Variants in PTPN21 observed in about 807,000 individuals in gnomAD.
The protein encoded by PTPN21 is protein tyrosine phosphatase non-receptor type 21, also known as tyrosine-protein phosphatase non-receptor type 21.
In PTPN21, 77 loss-of-function variants were observed where a neutral mutation model predicts 131.8. That is an observed-to-expected ratio of 0.58 (90% CI 0.49 to 0.71). PTPN21 has a LOEUF of 0.71. PTPN21 is among the 30% of genes least tolerant of loss of function. PTPN21 has a pLI of 0.00. For missense variants in PTPN21, 1,552 were observed against 1,527.1 expected (o/e 1.02, Z -0.27); for synonymous variants, 715 against 621.3 (o/e 1.15, Z -2.24).
In PTPN21 at chr14:88,498,596, C is replaced by T. The variant is rs766569253; in HGVS notation, c.765-1306G>A. On this transcript the variant is annotated intron_variant, in intron 8 of 18. Coordinates refer to ENST00000556564, the MANE Select transcript of PTPN21 (RefSeq NM_007039.4). The stretch of plus-strand genomic sequence containing the variant: ...TGAGTTACAGTGCTTCCCTCAAATT[C>T]GCACAGTTGGAGGGGAAAGGTGGGA... Among the ~76,000 whole-genome samples, 33 of 152,136 alleles carry T rather than the reference C, an allele frequency of 2.2e-4. 1 individual carries two copies. The highest frequency in any genetic ancestry group is 3.8e-4 in the Non-Finnish European group (26 of 68,022).
At chr14:88,484,798 G>A (rs1051202383) in intron 12 of PTPN21, among the ~76,000 whole-genome samples, 2 of 152,174 alleles carry the variant, frequency 1.3e-5, no homozygotes, top group Non-Finnish European at 2.9e-5. Context: ...TGAGGCACAA[G>A]AATTGCTTGA....
intron 10 of PTPN21, among the ~76,000 whole-genome samples, chr14:88,495,864 G>A (rs1234654257): frequency 6.6e-6 from 1 of 152,186 alleles, no homozygotes; most frequent in Non-Finnish European, 1.5e-5. Flanking sequence ...CAGTAACGTG[G>A]AGGCTTAGGG....
intron 2 of PTPN21, among the ~76,000 whole-genome samples, chr14:88,548,609 T>TG (rs2078816395): frequency 6.6e-6 from 1 of 152,158 alleles, no homozygotes; most frequent in African/African-American, 2.4e-5. Flanking sequence ...AGTATGTATG[T>TG]GCTTGGCACT....
chr14:88,522,140 G>C (rs2078403740), intron 2 of PTPN21, among the ~76,000 whole-genome samples: 1 of 152,058 alleles, frequency 6.6e-6, no homozygotes, highest in East Asian at 1.9e-4. Context: ...AGAATGGTGG[G>C]CTTAGGCCGG....
intron 13 of PTPN21, among the ~76,000 whole-genome samples, chr14:88,478,160 G>C (rs146580472): frequency 6.6e-6 from 1 of 152,296 alleles, no homozygotes; most frequent in East Asian, 1.9e-4. Flanking sequence ...TTGGCCCATG[G>C]CAAATGCTCC....
intron 2 of PTPN21, among the ~76,000 whole-genome samples, chr14:88,518,226 C>CAAAAAAAAAAAAAAAAAAAAA (rs1172099704): frequency 9.0e-5 from 1 of 11,074 alleles, no homozygotes; most frequent in Non-Finnish European, 1.5e-4. Context: ...GAATCTACCT[C>CAAAAAAAAAAAAAAAAAAAAA]AAAAAAAAAA....
rs2078072759 is a variant in PTPN21 at position 88,505,430 on chromosome 14, A to C, written c.449-59T>G. On this transcript the variant is annotated intron_variant, in intron 4 of 18. Transcript: ENST00000556564. The stretch of plus-strand genomic sequence containing the variant: ...ATTTAAATTTCATTGCAAAATATGC[A>C]CAACAAAATTCAATACGCAGTATAT... 13 of 1,247,700 alleles carry C rather than the reference A, an allele frequency of 1.0e-5. No individual in the cohort carries two copies. The South Asian group carries it at 1.7e-4, about 17-fold the overall frequency. The allele number at this position is 1,247,700 out of a possible 1,614,324, so 77.3% of individuals were successfully genotyped here.
chr14:88,522,374 A>C (rs2078408013), intron 2 of PTPN21, among the ~76,000 whole-genome samples: 1 of 147,592 alleles, frequency 6.8e-6, no homozygotes, highest in African/African-American at 2.5e-5. Context: ...GTGAGCTGAG[A>C]GCATGCCACT....
intron 2 of PTPN21, among the ~76,000 whole-genome samples, chr14:88,520,896 T>C (rs571857963): frequency 5.9e-5 from 9 of 151,974 alleles, no homozygotes; most frequent in Non-Finnish European, 1.2e-4. Flanking sequence ...CAGGCGGGAG[T>C]GTACTGACAT....
In PTPN21 at chr14:88,554,751, G is replaced by A. The variant is rs2078903239; in HGVS notation, c.-303C>T. 6.7e-6 allele frequency: 1 copy of A among 149,458 alleles called. No homozygotes were observed. The highest frequency in any genetic ancestry group is 2.0e-4 in the South Asian group (1 of 5,076). The allele number at this position is 149,458 out of a possible 1,614,324, so 9.3% of individuals were successfully genotyped here. On this transcript the variant is annotated 5_prime_UTR_variant, in exon 1 of 19. Coordinates refer to ENST00000556564, the MANE Select transcript of PTPN21 (RefSeq NM_007039.4). ...GCGGCCGCCGCAGCCGCACCCGCAC[G>A]CCAGCCCGGGCCGCGGCGCGCTCAT... is the stretch of plus-strand genomic sequence containing the variant.
At chr14:88,524,810 T>TGGGA (rs2139328949) in intron 2 of PTPN21, among the ~76,000 whole-genome samples, 1 of 151,750 alleles carries the variant, frequency 6.6e-6, no homozygotes, top group East Asian at 1.9e-4. Context: ...GAGGCTAAAG[T>TGGGA]GGGAGGCTCA....
intron 5 of PTPN21, 71 bp downstream of exon 5, chr14:88,505,233 T>C (rs1242471362): frequency 3.0e-5 from 37 of 1,235,122 alleles, no homozygotes; most frequent in Non-Finnish European, 3.5e-6. Context: ...ACGGATTTCA[T>C]TTCAGGGATT....
chr14:88,517,690 A>G (rs1263477113), intron 2 of PTPN21, among the ~76,000 whole-genome samples: 1 of 142,330 alleles, frequency 7.0e-6, no homozygotes, highest in Non-Finnish European at 1.5e-5. Context: ...ATATATACAT[A>G]TGTGTGCGTA....
intron 2 of PTPN21, among the ~76,000 whole-genome samples, chr14:88,546,983 G>A (rs1167538223): frequency 3.3e-5 from 5 of 152,178 alleles, no homozygotes; most frequent in African/African-American, 1.2e-4. Context: ...ACTCTCCACA[G>A]GCAAAACATT....
chr14:88,526,059 T>C (rs750106839), intron 2 of PTPN21, among the ~76,000 whole-genome samples: 2 of 152,102 alleles, frequency 1.3e-5, no homozygotes, highest in East Asian at 1.9e-4. Context: ...GGTGGGAGAA[T>C]TGCTTGAGGC....
In PTPN21 at chr14:88,478,929, C is replaced by T. The variant is rs2077588028; in HGVS notation, c.2502G>A (p.Pro834=). Residue 834 remains proline, a synonymous_variant, in exon 13 of 19, where the codon CCG becomes CCA. Coordinates refer to ENST00000556564, the MANE Select transcript of PTPN21 (RefSeq NM_007039.4). ...SGKKNIVEGL[P]PLGGMKKTRV... is the part of the protein sequence containing the mutation. ...TCGCCGCGTGGCTTACCCCTAGAGG[C>T]GGGAGCCCTTCCACGATGTTCTTCT... 1 of 1,505,740 alleles carries T rather than the reference C, an allele frequency of 6.6e-7. No individual in the cohort carries two copies. The highest frequency in any genetic ancestry group is 1.4e-5 in the African/African-American group (1 of 70,630). The allele number at this position is 1,505,740 out of a possible 1,614,324, so 93.3% of individuals were successfully genotyped here.
intron 2 of PTPN21, among the ~76,000 whole-genome samples, chr14:88,539,938 C>T (rs542017263): frequency 5.3e-5 from 8 of 152,058 alleles, no homozygotes; most frequent in Non-Finnish European, 7.4e-5. Flanking sequence ...AAAACACAGG[C>T]GAATCAAGTA....
At chr14:88,540,894 C>T (rs2078695928) in intron 2 of PTPN21, among the ~76,000 whole-genome samples, 1 of 152,110 alleles carries the variant, frequency 6.6e-6, no homozygotes, top group South Asian at 2.1e-4. Flanking sequence ...AACTCCTGGA[C>T]TGAAGAAATC....
chr14:88,471,315 G>A (rs1245353271), intron 15 of PTPN21, among the ~76,000 whole-genome samples: 1 of 152,156 alleles, frequency 6.6e-6, no homozygotes, highest in African/African-American at 2.4e-5. Context: ...AGAATTGAAT[G>A]TGGCCAGCAT....
Sources: allele counts gnomAD v4.1 joint callset (sites outside exome capture counted in the v4.1 genomes callset), GRCh38; gene constraint gnomAD v4.1.1; transcripts MANE v1.5; gene names NCBI Gene and HGNC (gene_info 2026-07-23, HGNC 2026-07-21).